The following TUBGCP4 variants were observed in gnomAD, a reference collection of about 807,000 sequenced individuals.
The protein encoded by TUBGCP4 is tubulin gamma complex component 4.
Under a neutral mutation model 91.6 loss-of-function variants are expected in TUBGCP4, and 54 were observed. The observed-to-expected ratio is 0.59, with a 90% CI of 0.47 to 0.74. TUBGCP4 has a LOEUF of 0.74. TUBGCP4 is among the 30% of genes least tolerant of loss of function. The probability of loss-of-function intolerance (pLI) is 0.00; values close to 1 mark genes in which losing one functional copy is unlikely to be tolerated. For synonymous variants in TUBGCP4, 297 were observed against 302.8 expected, an observed-to-expected ratio of 0.98 and a Z score of 0.20; for missense variants, 593 against 800.9, an observed-to-expected ratio of 0.74 and a Z score of 3.13.
At chr15:43,373,809 C>G (rs973634892) in intron 1 of TUBGCP4, among the ~76,000 whole-genome samples, 1 of 152,120 alleles carries the variant, frequency 6.6e-6, no homozygotes, top group Non-Finnish European at 1.5e-5. Flanking sequence ...CCGCCACACC[C>G]GGCTAATTTT....
intron 1 of TUBGCP4, 51 bp downstream of exon 1, chr15:43,371,483 T>C (rs1221315562): frequency 6.3e-7 from 1 of 1,584,650 alleles, no homozygotes. Flanking sequence ...AGGGGGGACC[T>C]GAGCCAGCGC....
chr15:43,405,466 A>G lies in TUBGCP4; in HGVS notation c.*252A>G, dbSNP rs977473104. Reference sequence around the variant, plus strand: ...CCTTTACATTGAGAACATTTGTTGGATATGTTCATTTATTCAATAGTCATT... The same window carrying G: ...CCTTTACATTGAGAACATTTGTTGGGTATGTTCATTTATTCAATAGTCATT... On this transcript the variant is annotated 3_prime_UTR_variant, in exon 18 of 18. Coordinates refer to ENST00000564079, the MANE Select transcript of TUBGCP4 (RefSeq NM_014444.5). 8 of 564,462 alleles carry G rather than the reference A, an allele frequency of 1.4e-5. No homozygotes were observed. The highest frequency in any genetic ancestry group is 2.2e-5 in the Non-Finnish European group (7 of 317,196). 35.0% of individuals were successfully genotyped at this position (564,462 alleles called of 1,614,324 possible). A position where few individuals can be genotyped will look rare whatever the true frequency, so the allele number is the denominator to read the frequency against.
chr15:43,386,344 CGTATATATAT>C lies in TUBGCP4; in HGVS notation c.1014+15_1014+24del, dbSNP rs774085891. On this transcript the variant is annotated intron_variant, in intron 9 of 17. Coordinates refer to ENST00000564079, the MANE Select transcript of TUBGCP4 (RefSeq NM_014444.5). ...ACTGTGGCTGAGGTTTGTGTTTCAT[CGTATATATAT>C]ATATATATATATATATATATATATT... The C allele has an allele frequency of 1.3e-3, 316 of 245,592 alleles. 69 individuals are homozygous for C. Among genetic ancestry groups the C allele is most frequent in the African/African-American group, 7.8e-3 (62 of 7,934 alleles). The allele number at this position is 245,592 out of a possible 1,614,324, so 15.2% of individuals were successfully genotyped here.
At chr15:43,394,726 T>A (rs1182542453) in intron 9 of TUBGCP4, 3 of 229,870 alleles carry the variant, frequency 1.3e-5, no homozygotes, top group African/African-American at 6.9e-5. Context: ...TCTCATGAGA[T>A]CTGGCTGTTT....
chr15:43,376,383 T>A, intron 2 of TUBGCP4, 120 bp from the exon 3 acceptor site: 1 of 1,602,266 alleles, frequency 6.2e-7, no homozygotes, highest in Non-Finnish European at 8.5e-7. Context: ...AATATTCAAG[T>A]GAAGGCAAGG....
In TUBGCP4 at chr15:43,383,317, G is replaced by T; in HGVS notation, c.536G>T (p.Cys179Phe). The T allele has an allele frequency of 1.2e-6, 2 of 1,613,776 alleles. No homozygotes were observed. Among genetic ancestry groups the T allele is most frequent in the Non-Finnish European group, 1.7e-6 (2 of 1,179,788 alleles). ...ACTCTGCCCAGAATCCTGGCCGTTT[G>T]TCATGGGGTCATGTATAAACAGCTC... ...RSALEKILAV[C>F]HGVMYKQLSA... Residue 179 changes from cysteine (C) to phenylalanine (F), a missense_variant, in exon 7 of 18, where the codon TGT becomes TTT. Coordinates refer to ENST00000564079, the MANE Select transcript of TUBGCP4 (RefSeq NM_014444.5).
intron 9 of TUBGCP4, among the ~76,000 whole-genome samples, chr15:43,392,750 C>T (rs1257532915): frequency 6.6e-6 from 1 of 152,144 alleles, no homozygotes; most frequent in Non-Finnish European, 1.5e-5. Context: ...CTGCCCGCTT[C>T]GGCCTTCCAA....
chr15:43,372,903 G>A (rs2044146000), intron 1 of TUBGCP4, among the ~76,000 whole-genome samples: 1 of 152,178 alleles, frequency 6.6e-6, no homozygotes, highest in South Asian at 2.1e-4. Context: ...TTGCCCCTGG[G>A]AGCGAAGACC....
rs2045036803 is a variant in TUBGCP4 at position 43,409,383 on chromosome 15, G to A, written c.*4169G>A. 9 of 555,474 alleles carry A rather than the reference G, an allele frequency of 1.6e-5. No individual in the cohort carries two copies. The allele number at this position is 555,474 out of a possible 1,614,324, so 34.4% of individuals were successfully genotyped here. On this transcript the variant is annotated 3_prime_UTR_variant, in exon 18 of 18. Transcript: ENST00000564079. ...GCTAAAAATCAGCAACCCTAATAGGGGTTTCTACTACTAAACATAAACATC... is the reference window on the plus strand; with the variant it reads ...GCTAAAAATCAGCAACCCTAATAGGAGTTTCTACTACTAAACATAAACATC...
intron 9 of TUBGCP4, among the ~76,000 whole-genome samples, chr15:43,392,913 T>C (rs1595492239): frequency 6.6e-6 from 1 of 152,326 alleles, no homozygotes; most frequent in East Asian, 1.9e-4. Context: ...AACCTTTCTG[T>C]GTGCTTTCAT....
At chr15:43,394,847 A>G (rs763241370) in intron 9 of TUBGCP4, 80 of 466,538 alleles carry the variant, frequency 1.7e-4, no homozygotes, top group Non-Finnish European at 3.0e-4. Flanking sequence ...CTAGAAGCCA[A>G]GCTGAAGCCA....
rs2142884206 is a variant in TUBGCP4 at position 43,401,821 on chromosome 15, C to T, written c.1702C>T (p.Leu568=). The T allele has an allele frequency of 6.2e-7, 1 of 1,614,136 alleles. No individual in the cohort carries two copies. Among genetic ancestry groups the T allele is most frequent in the Non-Finnish European group, 8.5e-7 (1 of 1,180,018 alleles). ...TCATGACCACTTCCTGAGCAATTTG[C>T]TGGCTCAATCCTTTATCCTATTGAA... The part of the protein sequence containing the change: ...LAHDHFLSNL[L]AQSFILLKPV... Residue 568 remains leucine (L), a synonymous_variant, in exon 15 of 18, where the codon CTG becomes TTG. Coordinates refer to ENST00000564079, the MANE Select transcript of TUBGCP4 (RefSeq NM_014444.5).
intron 15 of TUBGCP4, 139 bp from the exon 16 acceptor site, chr15:43,403,544 C>T (rs536703532): frequency 6.2e-5 from 40 of 640,194 alleles, no homozygotes; most frequent in South Asian, 4.7e-4. Context: ...AGGCCTTGCA[C>T]GTGGCAGTGT....
rs2044837420 is a variant in TUBGCP4, at chr15:43,405,447, C to T, written c.*233C>T. On this transcript the variant is annotated 3_prime_UTR_variant, in exon 18 of 18. Transcript: ENST00000564079. ...AACATGTGGCATCTCTGATCCTTTA[C>T]ATTGAGAACATTTGTTGGATATGTT... 1 of 581,458 alleles carries T rather than the reference C, an allele frequency of 1.7e-6. No homozygotes were observed. Among genetic ancestry groups the T allele is most frequent in the African/African-American group, 1.9e-5 (1 of 53,536 alleles). 36.0% of individuals were successfully genotyped at this position (581,458 alleles called of 1,614,324 possible).
chr15:43,383,861 C>T (rs576714370), intron 7 of TUBGCP4, among the ~76,000 whole-genome samples: 6 of 151,948 alleles, frequency 3.9e-5, no homozygotes, highest in South Asian at 2.1e-4. Flanking sequence ...AGTGCGATGG[C>T]GCAATCTTGG....
chr15:43,376,488 T>C lies in TUBGCP4; in HGVS notation c.208-15T>C. On this transcript the variant is annotated splice_polypyrimidine_tract_variant and intron_variant, in intron 2 of 17. Transcript: ENST00000564079. ...GCCTGAGCTGAGAAGTTGGCTTCTGTTTGTTTGATTTCAGGATCACCATCC... is the reference window on the plus strand; with the variant it reads ...GCCTGAGCTGAGAAGTTGGCTTCTGCTTGTTTGATTTCAGGATCACCATCC... 1.2e-6 allele frequency: 2 copies of C among 1,614,194 alleles called. No homozygotes were observed. Among genetic ancestry groups the C allele is most frequent in the Non-Finnish European group, 8.5e-7 (1 of 1,180,018 alleles).
chr15:43,379,949 A>G (rs1231921920), intron 5 of TUBGCP4, 135 bp from the exon 6 acceptor site: 14 of 800,204 alleles, frequency 1.7e-5, no homozygotes, highest in Non-Finnish European at 2.7e-5. Flanking sequence ...GAGAACCACT[A>G]TGTGTAAATC....
chr15:43,381,569 T>C (rs2142791176), intron 6 of TUBGCP4, among the ~76,000 whole-genome samples: 1 of 152,226 alleles, frequency 6.6e-6, no homozygotes, highest in East Asian at 1.9e-4. Context: ...AGACCCTGTC[T>C]GTACCAAAAA....
intron 11 of TUBGCP4, among the ~76,000 whole-genome samples, chr15:43,396,597 A>G (rs558491325): frequency 1.3e-5 from 2 of 152,344 alleles, no homozygotes; most frequent in African/African-American, 4.8e-5. Flanking sequence ...TCACTTAAGC[A>G]AAGCAAAAGG....
Sources: allele counts gnomAD v4.1 joint callset (sites outside exome capture counted in the v4.1 genomes callset), GRCh38; gene constraint gnomAD v4.1.1; transcripts MANE v1.5; gene names NCBI Gene and HGNC (gene_info 2026-07-23, HGNC 2026-07-21).